The following NEDD4 variants were observed in gnomAD, a reference collection of about 807,000 sequenced individuals.
The protein encoded by NEDD4 is NEDD4 E3 ubiquitin protein ligase, also known as E3 ubiquitin-protein ligase NEDD4.
A neutral mutation model predicts 144.9 loss-of-function variants in NEDD4; 99 were observed. The ratio of observed to expected loss-of-function variants is 0.68; its 90% confidence interval spans 0.58 to 0.81. The LOEUF is 0.81. NEDD4 is among the 30% of genes least tolerant of loss of function. NEDD4 has a pLI of 0.00. For missense variants in NEDD4, 985 were observed against 1,065.9 expected, an observed-to-expected ratio of 0.92 and a Z score of 1.06; for synonymous variants, 318 against 350.6, an observed-to-expected ratio of 0.91 and a Z score of 1.04.
At chr15:55,887,882 T>C (rs1294933450) in intron 5 of NEDD4, among the ~76,000 whole-genome samples, 1 of 152,140 alleles carries the variant, frequency 6.6e-6, no homozygotes, top group Non-Finnish European at 1.5e-5. Context: ...GTATTGATTA[T>C]AAACAGAATG....
rs55969123 is a variant in NEDD4, at chr15:55,910,808, G to A, written c.291+13838C>T. On this transcript the variant is annotated intron_variant, in intron 5 of 28. Coordinates refer to ENST00000435532, the MANE Select transcript of NEDD4 (RefSeq NM_006154.4). The stretch of plus-strand genomic sequence containing the variant: ...CTCCATCTTAGTTCATAACATCACT[G>A]TTAACCCAGTCATCCAAGTTAGGAA... 7.4e-3 allele frequency among the ~76,000 whole-genome samples: 1,127 copies of A among 152,196 alleles called. 8 individuals carry two copies. Among genetic ancestry groups the A allele is most frequent in the Non-Finnish European group, 0.011 (769 of 68,006 alleles).
intron 4 of NEDD4, among the ~76,000 whole-genome samples, chr15:55,934,384 A>AT (rs2036843523): frequency 6.6e-6 from 1 of 152,044 alleles, no homozygotes; most frequent in Non-Finnish European, 1.5e-5. Flanking sequence ...GCTGTTTCTA[A>AT]TTTTTGACTA....
At chr15:55,900,006 C>T (rs16976635) in intron 5 of NEDD4, among the ~76,000 whole-genome samples, 21,797 of 151,638 alleles carry the variant, frequency 0.14, 1,706 homozygotes, top group East Asian at 0.36. Context: ...CTCTGAGATT[C>T]AGACATGTCC....
intron 4 of NEDD4, among the ~76,000 whole-genome samples, chr15:55,926,681 G>A (rs1284010611): frequency 6.6e-6 from 1 of 152,142 alleles, no homozygotes; most frequent in African/African-American, 2.4e-5. Context: ...CACGAGAATC[G>A]TTTGAACCTG....
At chr15:55,992,259 A>T (rs1051756378) in intron 1 of NEDD4, among the ~76,000 whole-genome samples, 4 of 152,200 alleles carry the variant, frequency 2.6e-5, no homozygotes, top group African/African-American at 9.6e-5. Flanking sequence ...CCATTTGTCC[A>T]TCATCACTTT....
intron 1 of NEDD4, among the ~76,000 whole-genome samples, chr15:55,977,026 G>A (rs1191642803): frequency 1.3e-5 from 2 of 152,142 alleles, no homozygotes; most frequent in African/African-American, 2.4e-5. Flanking sequence ...TGATTCCACT[G>A]GCAAGCAGTA....
rs60338644 is a variant in NEDD4, at chr15:55,940,518, T to TTCTCTCTCTCTCTCTCTCTCTCTC, written c.237+10834_237+10857dup. Among the ~76,000 whole-genome samples the TTCTCTCTCTCTCTCTCTCTCTCTC allele has an allele frequency of 3.7e-3, 393 of 106,212 alleles. 17 individuals are homozygous for TTCTCTCTCTCTCTCTCTCTCTCTC. The highest frequency in any genetic ancestry group is 0.014 in the East Asian group (45 of 3,292). 69.7% of individuals were successfully genotyped at this position (106,212 alleles called of 152,430 possible). ...CTCCTTCCTCCTTCCCTCCTCCCCC[T>TTCTCTCTCTCTCTCTCTCTCTCTC]TCTCTCTCTCTCTCTCTCTCTCTCT... On this transcript the variant is annotated intron_variant, in intron 4 of 28. Transcript: ENST00000435532.
intron 1 of NEDD4, among the ~76,000 whole-genome samples, chr15:55,979,210 T>C (rs7178179): frequency 0.14 from 20,476 of 151,388 alleles, 1,524 homozygotes; most frequent in East Asian, 0.32. Context: ...TATAACAGAA[T>C]AATTATATTA....
At chr15:55,968,592 C>T (rs1192490365) in intron 1 of NEDD4, among the ~76,000 whole-genome samples, 11 of 151,968 alleles carry the variant, frequency 7.2e-5, no homozygotes, top group African/African-American at 2.4e-4. Context: ...TATAATTAAC[C>T]TAGTACAAGA....
chr15:55,966,204 A>C (rs2037510192), intron 2 of NEDD4, among the ~76,000 whole-genome samples: 1 of 152,196 alleles, frequency 6.6e-6, no homozygotes, highest in South Asian at 2.1e-4. Context: ...CTGCTAAAGG[A>C]TTAGTCTGTT....
At chr15:55,975,518 TC>T (rs1248120124) in intron 1 of NEDD4, among the ~76,000 whole-genome samples, 8 of 151,890 alleles carry the variant, frequency 5.3e-5, no homozygotes, top group African/African-American at 1.9e-4. Flanking sequence ...AGAATGTAAC[TC>T]CCAGTTACAA....
At chr15:55,948,007 A>G (rs2037155025) in intron 4 of NEDD4, among the ~76,000 whole-genome samples, 1 of 152,232 alleles carries the variant, frequency 6.6e-6, no homozygotes, top group African/African-American at 2.4e-5. Context: ...AGAGGAAGTC[A>G]AATTGTCCCT....
At chr15:55,966,297 C>A (rs1479855380) in intron 2 of NEDD4, among the ~76,000 whole-genome samples, 176 bp downstream of exon 2, 1 of 152,178 alleles carries the variant, frequency 6.6e-6, no homozygotes, top group Non-Finnish European at 1.5e-5. Context: ...CCTAATTTCA[C>A]AAATTTAGTA....
chr15:55,964,248 T>C (rs1355347948), intron 2 of NEDD4, among the ~76,000 whole-genome samples: 1 of 152,184 alleles, frequency 6.6e-6, no homozygotes, highest in East Asian at 1.9e-4. Context: ...ATGATATCCA[T>C]GTTAGACTTT....
intron 1 of NEDD4, among the ~76,000 whole-genome samples, chr15:55,971,641 C>A (rs1315870371): frequency 7.5e-6 from 1 of 133,970 alleles, no homozygotes; most frequent in Non-Finnish European, 1.6e-5. Context: ...AAAAAAAAGA[C>A]TTATTAGCTT....
rs565367140 is a variant in NEDD4, at chr15:55,906,620, C to T, written c.291+18026G>A. Among the ~76,000 whole-genome samples the T allele has an allele frequency of 2.4e-4, 27 of 113,444 alleles. No individual in the cohort carries two copies. In the East Asian group the frequency reaches 4.4e-3, roughly 19 times the overall value. The allele number at this position is 113,444 out of a possible 152,430, so 74.4% of individuals were successfully genotyped here. Reference sequence around the variant, plus strand: ...ACACAAGAAGGGGAACATCACACACCGGGGCCTGTTGTGGGGTGGGGGGCT... The same window carrying T: ...ACACAAGAAGGGGAACATCACACACTGGGGCCTGTTGTGGGGTGGGGGGCT... On this transcript the variant is annotated intron_variant, in intron 5 of 28. Coordinates refer to ENST00000435532, the MANE Select transcript of NEDD4 (RefSeq NM_006154.4).
intron 17 of NEDD4, among the ~76,000 whole-genome samples, chr15:55,847,380 G>C (rs930190922): frequency 2.0e-5 from 3 of 152,060 alleles, no homozygotes; most frequent in African/African-American, 7.2e-5. Context: ...CCATTAAAGG[G>C]ACAATGTGAA....
At chr15:55,912,004 C>G (rs62043852) in intron 5 of NEDD4, among the ~76,000 whole-genome samples, 1 of 152,174 alleles carries the variant, frequency 6.6e-6, no homozygotes, top group Non-Finnish European at 1.5e-5. Context: ...AAAATGTTTT[C>G]AAGCAAACAA....
intron 7 of NEDD4, 39 bp from the exon 8 acceptor site, chr15:55,869,720 C>T (rs1160248952): frequency 7.6e-7 from 1 of 1,308,592 alleles, no homozygotes; most frequent in Non-Finnish European, 1.1e-6. Flanking sequence ...AACTTTAACA[C>T]CGGGAGAAAA....
Sources: gnomAD v4.1 joint callset for allele counts (sites outside exome capture counted in the v4.1 genomes callset) on GRCh38, gnomAD v4.1.1 for gene constraint, MANE v1.5 for transcripts, NCBI Gene and HGNC (gene_info 2026-07-23, HGNC 2026-07-21) for gene names.